PTPN2: variants seen among roughly 807,000 people sequenced by gnomAD.
The protein encoded by PTPN2 is tyrosine-protein phosphatase non-receptor type 2.
In PTPN2, 19 loss-of-function variants were observed where a neutral mutation model predicts 57.3. The observed-to-expected ratio is 0.33, with a 90% CI of 0.23 to 0.49. The LOEUF is 0.49. PTPN2 is among the 20% of genes least tolerant of loss of function. The pLI is 0.99. For missense variants in PTPN2, 358 were observed against 501.1 expected (o/e 0.71, Z 2.73); for synonymous variants, 153 against 164.9 (o/e 0.93, Z 0.55).
At chr18:12,866,613 C>T (rs2044003636) in intron 1 of PTPN2, among the ~76,000 whole-genome samples, 1 of 152,058 alleles carries the variant, frequency 6.6e-6, no homozygotes, top group African/African-American at 2.4e-5. Flanking sequence ...CCAGTCTCTC[C>T]TTGGGGTGTT....
rs929492835 is a variant in PTPN2, at chr18:12,844,647, A to G, written c.161-7756T>C. Among the ~76,000 whole-genome samples, 3 of 152,154 alleles carry G rather than the reference A, an allele frequency of 2.0e-5. No homozygotes were observed. The East Asian group carries it at 5.8e-4, about 29-fold the overall frequency. ...ATTTTGAGAGTTCTATATATAGTCC[A>G]GATCTAAGTTCTTTGTCAGATATGT... is the stretch of plus-strand genomic sequence containing the variant. On this transcript the variant is annotated intron_variant, in intron 2 of 8. Transcript: ENST00000309660.
At chr18:12,848,255 G>A (rs1360468406) in intron 2 of PTPN2, among the ~76,000 whole-genome samples, 2 of 152,142 alleles carry the variant, frequency 1.3e-5, no homozygotes, top group African/African-American at 4.8e-5. Flanking sequence ...ATAATTCTAA[G>A]ACTATCAAAA....
intron 9 of PTPN2, chr18:12,785,952 A>G: frequency 1.1e-6 from 1 of 934,470 alleles, no homozygotes; most frequent in Middle Eastern, 2.1e-4. Context: ...TGAAAAGGTG[A>G]CCAAAAATCA....
At chr18:12,809,265 T>C (rs1361657728) in intron 7 of PTPN2, among the ~76,000 whole-genome samples, 2 of 152,172 alleles carry the variant, frequency 1.3e-5, no homozygotes, top group Non-Finnish European at 2.9e-5. Context: ...ATTAATGAGA[T>C]GGCATGTGAA....
In PTPN2 at chr18:12,840,933, G is replaced by A. The variant is rs182752314; in HGVS notation, c.161-4042C>T. The A allele has an allele frequency of 6.6e-6, 10 of 1,517,596 alleles. No homozygotes were observed. In the African/African-American group the frequency reaches 8.2e-5, roughly 12 times the overall value. 94.0% of individuals were successfully genotyped at this position (1,517,596 alleles called of 1,614,324 possible). Reference sequence around the variant, plus strand: ...AGACGCTCTGATGGAATGCCTCCATGATGAACTGGTCTGTTCCCTGCATTG... The same window carrying A: ...AGACGCTCTGATGGAATGCCTCCATAATGAACTGGTCTGTTCCCTGCATTG... On this transcript the variant is annotated intron_variant, in intron 2 of 8. Transcript: ENST00000309660.
intron 1 of PTPN2, among the ~76,000 whole-genome samples, chr18:12,877,170 G>A (rs573402689): frequency 6.6e-6 from 1 of 152,238 alleles, no homozygotes; most frequent in South Asian, 2.1e-4. Context: ...TGTGTTTACT[G>A]AATATTTACT....
At chr18:12,799,351 A>G (rs1357513319) in intron 8 of PTPN2, among the ~76,000 whole-genome samples, 1 of 151,046 alleles carries the variant, frequency 6.6e-6, no homozygotes, top group South Asian at 2.1e-4. Flanking sequence ...CGGGAGGTGG[A>G]GGTTGCAGTG....
At chr18:12,799,951 A>T (rs1419349058) in intron 8 of PTPN2, among the ~76,000 whole-genome samples, 1 of 151,894 alleles carries the variant, frequency 6.6e-6, no homozygotes, top group African/African-American at 2.4e-5. Flanking sequence ...CATTTCTGTA[A>T]CCTTGTTTTT....
chr18:12,792,183 C>A lies in PTPN2; in HGVS notation c.*2095G>T. ...ATAAATCTTATTTAATATGTAGTAC[C>A]ACCTACATCCTGCTTTCATACTTTC... On this transcript the variant is annotated 3_prime_UTR_variant, in exon 9 of 9. Coordinates refer to ENST00000309660, the MANE Select transcript of PTPN2 (RefSeq NM_002828.4). The A allele has an allele frequency of 1.1e-6, 1 of 902,544 alleles. No homozygotes were observed. Among genetic ancestry groups the A allele is most frequent in the Non-Finnish European group, 1.3e-6 (1 of 753,788 alleles). The allele number at this position is 902,544 out of a possible 1,614,324, so 55.9% of individuals were successfully genotyped here. A position where few individuals can be genotyped will look rare whatever the true frequency, so the allele number is the denominator to read the frequency against.
chr18:12,848,734 T>A lies in PTPN2; in HGVS notation c.160+10430A>T, dbSNP rs2043295544. Among the ~76,000 whole-genome samples, 3 of 152,374 alleles carry A rather than the reference T, an allele frequency of 2.0e-5. No individual in the cohort carries two copies. The South Asian group carries it at 6.2e-4, about 32-fold the overall frequency. ...AGACCTTGAGCAAGAATCACCTATG[T>A]GGGGTTAGTCAACCCCTAGATTTGT... is the stretch of plus-strand genomic sequence containing the variant. On this transcript the variant is annotated intron_variant, in intron 2 of 8. Coordinates refer to ENST00000309660, the MANE Select transcript of PTPN2 (RefSeq NM_002828.4).
chr18:12,795,728 T>C (rs1040476208), intron 8 of PTPN2, among the ~76,000 whole-genome samples: 2 of 152,134 alleles, frequency 1.3e-5, no homozygotes, highest in African/African-American at 4.8e-5. Context: ...TTGTGCAATA[T>C]AGCAAGTCTT....
intron 2 of PTPN2, among the ~76,000 whole-genome samples, chr18:12,842,955 T>TGA (rs1022251528): frequency 6.6e-6 from 1 of 152,276 alleles, no homozygotes; most frequent in African/African-American, 2.4e-5. Context: ...GGAAATGAAA[T>TGA]GACGTTAACT....
chr18:12,851,721 C>T (rs1014339214), intron 2 of PTPN2, among the ~76,000 whole-genome samples: 11 of 152,142 alleles, frequency 7.2e-5, no homozygotes, highest in African/African-American at 2.4e-4. Context: ...ATGCAGGGAG[C>T]GTGCCGAAAG....
chr18:12,820,384 G>A (rs1231049549), intron 5 of PTPN2, among the ~76,000 whole-genome samples: 2 of 151,812 alleles, frequency 1.3e-5, no homozygotes, highest in African/African-American at 2.4e-5. Flanking sequence ...AGGACCACAC[G>A]AAGGCATAAG....
chr18:12,831,283 G>C (rs1415464202), intron 3 of PTPN2, among the ~76,000 whole-genome samples: 3 of 152,198 alleles, frequency 2.0e-5, no homozygotes, highest in Non-Finnish European at 1.5e-5. Flanking sequence ...AATTGTGTAA[G>C]ATATCAAGTG....
At chr18:12,831,372 G>GA (rs150327656) in intron 3 of PTPN2, among the ~76,000 whole-genome samples, 2 of 152,320 alleles carry the variant, frequency 1.3e-5, no homozygotes, top group Non-Finnish European at 2.9e-5. Context: ...CTGCCCCAAA[G>GA]AAAGTCAACC....
chr18:12,870,971 G>A (rs961715833), intron 1 of PTPN2, among the ~76,000 whole-genome samples: 2 of 152,084 alleles, frequency 1.3e-5, no homozygotes, highest in Non-Finnish European at 2.9e-5. Context: ...TCCCTTAGGT[G>A]ATAACTGTAA....
In PTPN2 at chr18:12,785,520, AAT is replaced by A. The variant is rs1309084464; in HGVS notation, c.*301_*302del. ...ATTTAATGCTGCCAAAAAGTATAAA[AAT>A]ACAGTAGGAATGGCAGTACAATACA... is the stretch of plus-strand genomic sequence containing the variant. On this transcript the variant is annotated 3_prime_UTR_variant, in exon 10 of 10. Transcript: ENST00000327283. 2.3e-5 allele frequency: 10 copies of A among 432,380 alleles called. No homozygotes were observed. The Admixed American group carries it at 4.5e-4, about 20-fold the overall frequency. 26.8% of individuals were successfully genotyped at this position (432,380 alleles called of 1,614,324 possible).
chr18:12,807,622 C>A, intron 7 of PTPN2, among the ~76,000 whole-genome samples: 1 of 100,012 alleles, frequency 1.0e-5, no homozygotes, highest in Non-Finnish European at 2.1e-5. Context: ...TACTATTTGG[C>A]CATTAAAAAA....
Sources: gnomAD v4.1 joint callset for allele counts (sites outside exome capture counted in the v4.1 genomes callset) on GRCh38, gnomAD v4.1.1 for gene constraint, MANE v1.5 for transcripts, NCBI Gene and HGNC (gene_info 2026-07-23, HGNC 2026-07-21) for gene names.